LHFPL3: variants seen among roughly 807,000 people sequenced by gnomAD.
LHFPL3 encodes the protein LHFPL tetraspan subfamily member 3, also known as LHFPL tetraspan subfamily member 3 protein.
In LHFPL3, 5 loss-of-function variants were observed where a neutral mutation model predicts 19.3. That is an observed-to-expected ratio of 0.26 (90% CI 0.14 to 0.54). The LOEUF (loss-of-function observed/expected upper bound fraction) is 0.54. LHFPL3 is among the 20% of genes least tolerant of loss of function. The pLI, the probability that LHFPL3 is intolerant of heterozygous loss-of-function variation, is 0.94. For synonymous variants in LHFPL3, 133 were observed against 126.2 expected (o/e 1.05, Z -0.36); for missense variants, 249 against 307.4 (o/e 0.81, Z 1.42).
At chr7:104,536,386 A>G (rs536598837) in intron 1 of LHFPL3, among the ~76,000 whole-genome samples, 37 of 152,166 alleles carry the variant, frequency 2.4e-4, no homozygotes, top group Non-Finnish European at 4.6e-4. Context: ...ATATTTACAA[A>G]TGGTTAGCCC....
chr7:104,514,192 C>A (rs756986550), intron 1 of LHFPL3, among the ~76,000 whole-genome samples: 3 of 152,116 alleles, frequency 2.0e-5, no homozygotes, highest in Non-Finnish European at 4.4e-5. Flanking sequence ...AGCTCTCTCT[C>A]TCTTTCTTTG....
At chr7:104,454,242 A>G (rs1165292321) in intron 1 of LHFPL3, among the ~76,000 whole-genome samples, 1 of 152,190 alleles carries the variant, frequency 6.6e-6, no homozygotes, top group African/African-American at 2.4e-5. Flanking sequence ...TGTGTGTACA[A>G]GTTGTTGAAG....
At chr7:104,384,136 T>C (rs1437063535) in intron 1 of LHFPL3, among the ~76,000 whole-genome samples, 1 of 152,118 alleles carries the variant, frequency 6.6e-6, no homozygotes. Context: ...GGATATTAAA[T>C]AACACCAACT....
At chr7:104,726,470 C>A (rs948003946) in intron 1 of LHFPL3, among the ~76,000 whole-genome samples, 6 of 152,062 alleles carry the variant, frequency 3.9e-5, no homozygotes, top group African/African-American at 1.4e-4. Context: ...GCTATTTTTC[C>A]TGACGGGCTT....
intron 1 of LHFPL3, among the ~76,000 whole-genome samples, chr7:104,411,430 G>A (rs1251075098): frequency 3.3e-5 from 5 of 152,146 alleles, no homozygotes; most frequent in Non-Finnish European, 7.4e-5. Context: ...GATGGTAGTG[G>A]AGGAATGATC....
At chr7:104,504,019 G>A (rs919991629) in intron 1 of LHFPL3, among the ~76,000 whole-genome samples, 5 of 152,112 alleles carry the variant, frequency 3.3e-5, no homozygotes, top group Non-Finnish European at 7.3e-5. Flanking sequence ...AATCCATTCT[G>A]TACTAGAGAA....
chr7:104,350,583 C>G (rs905415329), intron 1 of LHFPL3, among the ~76,000 whole-genome samples: 4 of 152,182 alleles, frequency 2.6e-5, no homozygotes, highest in Non-Finnish European at 5.9e-5. Context: ...ATGGGCTGTT[C>G]TAGATGCTGT....
chr7:104,444,827 A>G (rs1792296712), intron 1 of LHFPL3, among the ~76,000 whole-genome samples: 2 of 152,120 alleles, frequency 1.3e-5, no homozygotes, highest in African/African-American at 4.8e-5. Context: ...TGCCTCTACA[A>G]AAAATACAAA....
At chr7:104,498,685 C>G (rs1391290876) in intron 1 of LHFPL3, among the ~76,000 whole-genome samples, 1 of 152,110 alleles carries the variant, frequency 6.6e-6, no homozygotes, top group Non-Finnish European at 1.5e-5. Context: ...ACCATGTTGA[C>G]CAGGTTGGTC....
chr7:104,840,308 C>CT (rs67980957), intron 2 of LHFPL3, among the ~76,000 whole-genome samples: 109,555 of 118,394 alleles, frequency 0.93, 51,178 homozygotes, highest in South Asian at 0.98. Flanking sequence ...TGTGGGTTTT[C>CT]TTTTTTTTTT....
chr7:104,417,857 ATTCTTCTTC>A (rs1205200413), intron 1 of LHFPL3, among the ~76,000 whole-genome samples: 28 of 125,656 alleles, frequency 2.2e-4, no homozygotes, highest in African/African-American at 8.2e-4. Context: ...TTCTTTTCTA[ATTCTTCTTC>A]TTCTTCTTCT....
intron 2 of LHFPL3, among the ~76,000 whole-genome samples, chr7:104,805,991 C>G (rs570063994): frequency 6.6e-6 from 1 of 152,130 alleles, no homozygotes; most frequent in Non-Finnish European, 1.5e-5. Flanking sequence ...CATGATTAAG[C>G]ACTAAAAAGA....
chr7:104,857,336 C>T (rs1200077105), intron 2 of LHFPL3, among the ~76,000 whole-genome samples: 1 of 152,138 alleles, frequency 6.6e-6, no homozygotes, highest in Non-Finnish European at 1.5e-5. Flanking sequence ...AATATAATAT[C>T]ATACATCCAA....
At chr7:104,643,691 C>T (rs1360624167) in intron 1 of LHFPL3, among the ~76,000 whole-genome samples, 1 of 152,148 alleles carries the variant, frequency 6.6e-6, no homozygotes, top group East Asian at 1.9e-4. Flanking sequence ...GCAGCCTGGG[C>T]TTTTTAAAAG....
chr7:104,791,917 T>C (rs921408363), intron 2 of LHFPL3, among the ~76,000 whole-genome samples: 1 of 152,144 alleles, frequency 6.6e-6, no homozygotes, highest in Non-Finnish European at 1.5e-5. Flanking sequence ...TTCAGGCTTT[T>C]TGTTCTTGGG....
chr7:104,712,416 GCTT>G (rs1411312938), intron 1 of LHFPL3, among the ~76,000 whole-genome samples: 1 of 152,188 alleles, frequency 6.6e-6, no homozygotes, highest in Admixed American at 6.5e-5. Flanking sequence ...TAGCTCTGTG[GCTT>G]CTTCTTACAA....
rs191598030 is a variant in LHFPL3, at chr7:104,704,691, A to G, written c.446-31984A>G. 3.1e-4 allele frequency among the ~76,000 whole-genome samples: 47 copies of G among 151,966 alleles called. No homozygotes were observed. The East Asian group carries it at 9.1e-3, about 29-fold the overall frequency. ...CACTCTATCACCCAGGCTAAAGTGC[A>G]ATGGCGTGATCACGGCTTACTACAG... On this transcript the variant is annotated intron_variant, in intron 1 of 2. Transcript: ENST00000424859.
intron 2 of LHFPL3, among the ~76,000 whole-genome samples, chr7:104,813,430 T>C (rs1790511998): frequency 6.6e-6 from 1 of 152,188 alleles, no homozygotes; most frequent in South Asian, 2.1e-4. Context: ...TGGGGTACCA[T>C]TTTTCTGGTC....
At chr7:104,332,147 A>G (rs994542599) in intron 1 of LHFPL3, among the ~76,000 whole-genome samples, 3 of 148,576 alleles carry the variant, frequency 2.0e-5, no homozygotes, top group Non-Finnish European at 3.0e-5. Flanking sequence ...TCGCTTGTGT[A>G]TTTAGTTATC....
Sources: gnomAD v4.1 joint callset for allele counts (sites outside exome capture counted in the v4.1 genomes callset) on GRCh38, gnomAD v4.1.1 for gene constraint, MANE v1.5 for transcripts, NCBI Gene and HGNC (gene_info 2026-07-23, HGNC 2026-07-21) for gene names.